Variants in INPP4B observed in about 807,000 individuals in gnomAD.
The protein encoded by INPP4B is inositol polyphosphate 4-phosphatase type II.
In INPP4B, 55 loss-of-function variants were observed where a neutral mutation model predicts 122.5. The ratio of observed to expected loss-of-function variants is 0.45; its 90% CI spans 0.36 to 0.56. The LOEUF is 0.56. INPP4B is among the 20% of genes least tolerant of loss of function. The pLI is 0.00. For synonymous variants in INPP4B, 403 were observed against 388.7 expected (o/e 1.04, Z -0.43); for missense variants, 1,000 against 1,097.7 (o/e 0.91, Z 1.26).
chr4:142,656,919 C>T (rs966659739), intron 2 of INPP4B, among the ~76,000 whole-genome samples: 6 of 152,176 alleles, frequency 3.9e-5, no homozygotes, highest in African/African-American at 1.4e-4. Context: ...TGTGGCCAAT[C>T]TGGTGTGCTT....
chr4:142,610,430 G>C (rs975884192), intron 2 of INPP4B, among the ~76,000 whole-genome samples: 4 of 152,128 alleles, frequency 2.6e-5, no homozygotes, highest in Admixed American at 6.5e-5. Flanking sequence ...TGAGGGTAGT[G>C]ACTACTGCAT....
chr4:142,310,634 T>A (rs1444460721), intron 8 of INPP4B, among the ~76,000 whole-genome samples: 2 of 151,736 alleles, frequency 1.3e-5, no homozygotes, highest in Non-Finnish European at 2.9e-5. Context: ...ACACAACATC[T>A]CTTACACATA....
At chr4:142,804,088 A>AATAT (rs1554013066) in intron 1 of INPP4B, among the ~76,000 whole-genome samples, 16 of 151,242 alleles carry the variant, frequency 1.1e-4, no homozygotes, top group South Asian at 2.1e-4. Context: ...TAAATAAATA[A>AATAT]ATAAATAAAT....
chr4:142,480,017 T>A (rs1820317776), intron 2 of INPP4B, among the ~76,000 whole-genome samples: 3 of 152,178 alleles, frequency 2.0e-5, no homozygotes, highest in Non-Finnish European at 4.4e-5. Context: ...TAATTGCAGT[T>A]GAAATCAAAA....
intron 25 of INPP4B, chr4:142,030,440 A>G (rs1318458423): frequency 7.0e-6 from 5 of 716,674 alleles, no homozygotes; most frequent in Non-Finnish European, 1.1e-5. Flanking sequence ...ATCTTATGGT[A>G]AATTTCCCCA....
intron 2 of INPP4B, among the ~76,000 whole-genome samples, chr4:142,481,813 A>G (rs1820584121): frequency 2.6e-5 from 4 of 152,200 alleles, no homozygotes; most frequent in Admixed American, 6.6e-5. Context: ...CCGTTCTAGT[A>G]TTAACTAGCT....
chr4:142,404,405 G>A (rs1802646672), intron 6 of INPP4B, among the ~76,000 whole-genome samples: 1 of 152,154 alleles, frequency 6.6e-6, no homozygotes, highest in South Asian at 2.1e-4. Context: ...CTTAAGAAGT[G>A]TAGATTATAC....
At chr4:142,590,850 G>A (rs1737284689) in intron 2 of INPP4B, among the ~76,000 whole-genome samples, 2 of 137,202 alleles carry the variant, frequency 1.5e-5, no homozygotes, top group East Asian at 2.1e-4. Context: ...CACAGCCAGT[G>A]CCAGATCTTG....
intron 1 of INPP4B, among the ~76,000 whole-genome samples, chr4:142,740,489 C>T (rs891408647): frequency 2.0e-5 from 3 of 151,950 alleles, no homozygotes; most frequent in African/African-American, 7.2e-5. Flanking sequence ...CTCACAAGGG[C>T]AAAATGAAGT....
intron 1 of INPP4B, among the ~76,000 whole-genome samples, chr4:142,737,811 C>T (rs1192438019): frequency 1.3e-5 from 2 of 152,178 alleles, no homozygotes; most frequent in East Asian, 1.9e-4. Flanking sequence ...TATGAACAGA[C>T]ACTTCTCAAA....
intron 2 of INPP4B, among the ~76,000 whole-genome samples, chr4:142,532,274 A>G (rs911915521): frequency 6.6e-5 from 10 of 152,102 alleles, no homozygotes; most frequent in African/African-American, 2.4e-4. Flanking sequence ...CCCTGCTCTC[A>G]TTATTCTTCA....
At chr4:142,293,917 T>C (rs1456821694) in intron 9 of INPP4B, among the ~76,000 whole-genome samples, 1 of 152,224 alleles carries the variant, frequency 6.6e-6, no homozygotes, top group African/African-American at 2.4e-5. Context: ...GAGGCCATTA[T>C]CTTAAGTGAA....
intron 25 of INPP4B, among the ~76,000 whole-genome samples, chr4:142,076,082 C>G (rs947880931): frequency 1.6e-4 from 24 of 152,138 alleles, no homozygotes; most frequent in African/African-American, 5.8e-4. Context: ...CTGCTCTGTA[C>G]TATGGCCTCC....
intron 2 of INPP4B, among the ~76,000 whole-genome samples, chr4:142,484,035 A>G (rs1414285768): frequency 1.3e-5 from 2 of 152,112 alleles, no homozygotes; most frequent in South Asian, 2.1e-4. Flanking sequence ...TCATATCACT[A>G]TAACTTAAGA....
chr4:142,556,330 C>T (rs13115686), intron 2 of INPP4B, among the ~76,000 whole-genome samples: 5,469 of 152,156 alleles, frequency 0.036, 124 homozygotes, highest in Middle Eastern at 0.079. Context: ...TCCTTGGTAA[C>T]GAAGGTAAGT....
chr4:142,645,278 A>G (rs1009947401), intron 2 of INPP4B, among the ~76,000 whole-genome samples: 1 of 152,210 alleles, frequency 6.6e-6, no homozygotes, highest in Non-Finnish European at 1.5e-5. Flanking sequence ...TGATTTGACC[A>G]TTAGGATGTA....
At chr4:142,754,017 C>A (rs1045921112) in intron 1 of INPP4B, among the ~76,000 whole-genome samples, 2 of 151,970 alleles carry the variant, frequency 1.3e-5, no homozygotes, top group Non-Finnish European at 2.9e-5. Context: ...GCATTACCTT[C>A]GTGACTGATT....
intron 11 of INPP4B, among the ~76,000 whole-genome samples, chr4:142,256,049 C>A (rs1221651025): frequency 5.3e-5 from 8 of 150,970 alleles, no homozygotes; most frequent in Admixed American, 4.0e-4. Flanking sequence ...GATTAAGAAT[C>A]TCACTCAAAA....
At chr4:142,720,809 C>CTCTATA (rs1553997412) in intron 2 of INPP4B, among the ~76,000 whole-genome samples, 1 of 12,948 alleles carries the variant, frequency 7.7e-5, no homozygotes, top group Non-Finnish European at 1.6e-4. Context: ...CTCTCTCTCT[C>CTCTATA]TATATATATA....
Sources: allele counts gnomAD v4.1 joint callset (sites outside exome capture counted in the v4.1 genomes callset), GRCh38; gene constraint gnomAD v4.1.1; transcripts MANE v1.5; gene names NCBI Gene and HGNC (gene_info 2026-07-23, HGNC 2026-07-21).